Variants in TAOK1 observed in about 807,000 individuals in gnomAD.
The protein encoded by TAOK1 is TAO kinase 1.
In TAOK1, 21 loss-of-function variants were observed where a neutral mutation model predicts 138.3. The ratio of observed to expected loss-of-function variants is 0.15; its 90% confidence interval spans 0.11 to 0.22. TAOK1 has a LOEUF of 0.22. Among genes scored for constraint, TAOK1 ranks in the 10% least tolerant of loss-of-function variants. The probability of loss-of-function intolerance (pLI) is 1.00; values close to 1 mark genes in which losing one functional copy is unlikely to be tolerated. For synonymous variants in TAOK1, 361 were observed against 398.4 expected, an observed-to-expected ratio of 0.91 and a Z score of 1.12; for missense variants, 651 against 1,227.7, an observed-to-expected ratio of 0.53 and a Z score of 7.02.
chr17:29,414,345 G>T (rs1905217517), intron 1 of TAOK1, among the ~76,000 whole-genome samples: 1 of 152,090 alleles, frequency 6.6e-6, no homozygotes. Flanking sequence ...CACCTCCTGG[G>T]TTCAAATGAT....
In TAOK1 at chr17:29,545,586, A is replaced by G. The variant is rs1238816054; in HGVS notation, c.*2564A>G. ...GTCATGACTATACCTGGATTTTATC[A>G]TTAAGTTAACTTTAAAGTATATACA... On this transcript the variant is annotated 3_prime_UTR_variant, in exon 20 of 20. Coordinates refer to ENST00000261716, the MANE Select transcript of TAOK1 (RefSeq NM_020791.4). 2 of 152,168 alleles carry G rather than the reference A, an allele frequency of 1.3e-5. No individual in the cohort carries two copies. The highest frequency in any genetic ancestry group is 3.8e-4 in the East Asian group (2 of 5,198). The allele number at this position is 152,168 out of a possible 1,614,324, so 9.4% of individuals were successfully genotyped here. A position where few individuals can be genotyped will look rare whatever the true frequency, so the allele number is the denominator to read the frequency against.
chr17:29,413,332 C>T (rs971915685), intron 1 of TAOK1, among the ~76,000 whole-genome samples: 1 of 152,164 alleles, frequency 6.6e-6, no homozygotes, highest in African/African-American at 2.4e-5. Flanking sequence ...TATGGTGGCT[C>T]ATGCCTGTAA....
chr17:29,493,993 T>C (rs2031359665), intron 10 of TAOK1, among the ~76,000 whole-genome samples: 1 of 152,080 alleles, frequency 6.6e-6, no homozygotes, highest in Non-Finnish European at 1.5e-5. Context: ...CTCAGCTCAC[T>C]GCAACCTCTG....
At position 29,450,261 on chromosome 17, in the gene TAOK1, A is replaced by AT. The variant is rs747247317; in HGVS notation, c.-94-1187dup. ...ACCACACCACCCAGCTAATTTTGTA[A>AT]TTTTTTTGTATTGGAAGATCTTGCT... On this transcript the variant is annotated intron_variant, in intron 1 of 19. Coordinates refer to ENST00000261716, the MANE Select transcript of TAOK1 (RefSeq NM_020791.4). Among the ~76,000 whole-genome samples the AT allele has an allele frequency of 9.2e-5, 14 of 152,064 alleles. No individual in the cohort carries two copies. In the South Asian group the frequency reaches 2.3e-3, roughly 25 times the overall value.
At chr17:29,416,770 T>C (rs1905274425) in intron 1 of TAOK1, among the ~76,000 whole-genome samples, 1 of 152,134 alleles carries the variant, frequency 6.6e-6, no homozygotes, top group African/African-American at 2.4e-5. Flanking sequence ...AGAGGCAAAA[T>C]TTGAACTCAT....
At chr17:29,400,824 A>C (rs1047916365) in intron 1 of TAOK1, among the ~76,000 whole-genome samples, 1 of 152,020 alleles carries the variant, frequency 6.6e-6, no homozygotes, top group Non-Finnish European at 1.5e-5. Flanking sequence ...TCACAATAAC[A>C]ATTTTAAAAA....
At chr17:29,423,910 G>A (rs1245223141) in intron 1 of TAOK1, among the ~76,000 whole-genome samples, 4 of 151,924 alleles carry the variant, frequency 2.6e-5, no homozygotes, top group South Asian at 2.1e-4. Flanking sequence ...TTAGCCAGGC[G>A]TGGTAGTGGA....
rs994730666 is a variant in TAOK1, at chr17:29,461,842, G to A, written c.133-5303G>A. Among the ~76,000 whole-genome samples the A allele has an allele frequency of 3.9e-5, 6 of 152,034 alleles. No homozygotes were observed. In the South Asian group the frequency reaches 8.3e-4, roughly 21 times the overall value. ...AGAAACAATTGAATGAAAGCACAGA[G>A]GAGTCAAGGTTAATTAACTCAAAGC... On this transcript the variant is annotated intron_variant, in intron 2 of 19. Transcript: ENST00000261716.
chr17:29,467,106 T>A, intron 2 of TAOK1, 39 bp from the exon 3 acceptor site: 1 of 1,491,536 alleles, frequency 6.7e-7, no homozygotes, highest in Non-Finnish European at 9.1e-7. Flanking sequence ...ATTTCACCTG[T>A]TAATTTTTAC....
At chr17:29,431,257 A>G (rs1465238117) in intron 1 of TAOK1, among the ~76,000 whole-genome samples, 1 of 152,138 alleles carries the variant, frequency 6.6e-6, no homozygotes, top group Non-Finnish European at 1.5e-5. Context: ...CCTGGGCAAC[A>G]TAACAAGACT....
intron 2 of TAOK1, among the ~76,000 whole-genome samples, chr17:29,458,066 C>T (rs1401591732): frequency 5.9e-5 from 9 of 151,606 alleles, no homozygotes; most frequent in Admixed American, 3.3e-4. Context: ...GCCGAGATTG[C>T]GCCACTGGGC....
intron 1 of TAOK1, among the ~76,000 whole-genome samples, chr17:29,409,004 C>T (rs1905072130): frequency 1.3e-5 from 2 of 152,104 alleles, no homozygotes; most frequent in South Asian, 4.1e-4. Flanking sequence ...TGAGCCATCA[C>T]ACCAGGCCTC....
intron 3 of TAOK1, among the ~76,000 whole-genome samples, chr17:29,473,594 C>CAAAA (rs1421657758): frequency 1.1e-5 from 1 of 94,146 alleles, no homozygotes; most frequent in African/African-American, 3.8e-5. Flanking sequence ...GTGAAACTCT[C>CAAAA]AAAAAAAAAA....
chr17:29,508,731 T>C (rs2031668098), intron 14 of TAOK1, among the ~76,000 whole-genome samples: 1 of 152,172 alleles, frequency 6.6e-6, no homozygotes, highest in South Asian at 2.1e-4. Context: ...ATACAGATAA[T>C]GTTGAAGATT....
At chr17:29,511,607 A>C (rs2031721461) in intron 15 of TAOK1, 1 of 151,678 alleles carries the variant, frequency 6.6e-6, no homozygotes, top group African/African-American at 2.4e-5. Context: ...GTGCAGTGGC[A>C]CAATCATAGC....
intron 15 of TAOK1, chr17:29,513,016 A>T (rs1199970069): frequency 6.6e-6 from 1 of 151,070 alleles, no homozygotes; most frequent in Non-Finnish European, 1.5e-5. Context: ...TATTCAAGAT[A>T]GTCACTAGGA....
intron 2 of TAOK1, among the ~76,000 whole-genome samples, chr17:29,454,158 T>C (rs2153024468): frequency 6.6e-6 from 1 of 152,254 alleles, no homozygotes; most frequent in South Asian, 2.1e-4. Context: ...GTTTTCCCAG[T>C]ACATCTGTTA....
intron 1 of TAOK1, among the ~76,000 whole-genome samples, chr17:29,416,837 A>G (rs1905275851): frequency 1.3e-5 from 2 of 152,048 alleles, no homozygotes; most frequent in African/African-American, 4.8e-5. Context: ...ATTCTTTTAT[A>G]TCTTTTAGTT....
intron 1 of TAOK1, among the ~76,000 whole-genome samples, chr17:29,418,466 A>G (rs993894627): frequency 2.8e-4 from 43 of 152,020 alleles, no homozygotes; most frequent in Non-Finnish European, 8.8e-5. Flanking sequence ...TGGCCTCTCA[A>G]AGTGCTGGGA....
Sources: allele counts gnomAD v4.1 joint callset (sites outside exome capture counted in the v4.1 genomes callset), GRCh38; gene constraint gnomAD v4.1.1; transcripts MANE v1.5; gene names NCBI Gene and HGNC (gene_info 2026-07-23, HGNC 2026-07-21).